NWD1: variants seen among roughly 807,000 people sequenced by gnomAD.
NWD1 encodes NACHT and WD repeat domain containing 1.
NWD1 carries 129 observed loss-of-function variants against 135.1 expected under a neutral mutation model. The observed-to-expected ratio is 0.96, with a 90% CI of 0.83 to 1.11. NWD1 has a LOEUF of 1.11. Among genes scored for constraint, NWD1 ranks in the 50% least tolerant of loss-of-function variants. NWD1 has a pLI of 0.00. For missense variants in NWD1, 1,740 were observed against 1,851.3 expected, an observed-to-expected ratio of 0.94 and a Z score of 1.10; for synonymous variants, 773 against 786.0, an observed-to-expected ratio of 0.98 and a Z score of 0.28.
chr19:16,813,262 A>G (rs1970978975), intron 18 of NWD1, among the ~76,000 whole-genome samples: 1 of 152,126 alleles, frequency 6.6e-6, no homozygotes, highest in Non-Finnish European at 1.5e-5. Flanking sequence ...TTACATCACT[A>G]CATTCCAGCA....
At chr19:16,767,422 C>T (rs1323828644) in intron 10 of NWD1, among the ~76,000 whole-genome samples, 1 of 152,092 alleles carries the variant, frequency 6.6e-6, no homozygotes, top group Non-Finnish European at 1.5e-5. Flanking sequence ...TGAGACCAGC[C>T]TGGCCAACAT....
rs1599452094 is a variant in NWD1 at position 16,744,929 on chromosome 19, C to T, written c.496+211C>T. On this transcript the variant is annotated intron_variant, in intron 5 of 18. Coordinates refer to ENST00000524140, the MANE Select transcript of NWD1 (RefSeq NM_001007525.5). ...GATCAATCTTGGTCTCAGGATCTTC[C>T]TCTCCTCGCTGGCTCTTTCTTCTTG... The T allele has an allele frequency of 5.1e-5, 33 of 651,600 alleles. No homozygotes were observed. The East Asian group carries it at 5.8e-4, about 11-fold the overall frequency. The allele number at this position is 651,600 out of a possible 1,614,324, so 40.4% of individuals were successfully genotyped here. A position where few individuals can be genotyped will look rare whatever the true frequency, so the allele number is the denominator to read the frequency against.
chr19:16,742,480 G>A (rs1457238684), intron 4 of NWD1, among the ~76,000 whole-genome samples: 1 of 152,074 alleles, frequency 6.6e-6, no homozygotes, highest in Non-Finnish European at 1.5e-5. Context: ...TCCGTGGTCA[G>A]CCCTTAAGCC....
chr19:16,790,735 AT>A (rs1414923509), intron 13 of NWD1, among the ~76,000 whole-genome samples: 1 of 152,114 alleles, frequency 6.6e-6, no homozygotes, highest in Non-Finnish European at 1.5e-5. Flanking sequence ...AGTAAAAATA[AT>A]ATAAACCATC....
intron 18 of NWD1, among the ~76,000 whole-genome samples, chr19:16,813,539 C>A (rs1245612633): frequency 2.0e-5 from 3 of 152,002 alleles, no homozygotes; most frequent in Admixed American, 1.3e-4. Context: ...TGCAGTGGTG[C>A]AATCTCAGCT....
Position 16,736,726 on chromosome 19 carries a change from A to G in NWD1, c.174A>G (p.Lys58=), listed in dbSNP as rs1967835178. 6.5e-7 allele frequency: 1 copy of G among 1,535,450 alleles called. No homozygotes were observed. The highest frequency in any genetic ancestry group is 1.2e-5 in the South Asian group (1 of 84,038). The change falls in exon 4 of 19, where the codon AAA becomes AAG. Residue 58 remains lysine, a synonymous_variant. Coordinates refer to ENST00000524140, the MANE Select transcript of NWD1 (RefSeq NM_001007525.5). ...TGGAGGAGGTTGACCGGTGTTGGAA[A>G]ACATCCATAGGGCCAGCTTTTGTTG... is the stretch of plus-strand genomic sequence containing the variant. ...LCLEEVDRCW[K]TSIGPAFVAL...
In NWD1 at chr19:16,737,964, CGAAAAGAAAAGAAAA is replaced by C. The variant is rs60410383; in HGVS notation, c.198+1249_198+1263del. On this transcript the variant is annotated intron_variant, in intron 4 of 18. Coordinates refer to ENST00000524140, the MANE Select transcript of NWD1 (RefSeq NM_001007525.5). Reference sequence around the variant, plus strand: ...TGGGCGACAGAGCAAGACTCTATCTCGAAAAGAAAAGAAAAGAAAAGAAAAGAAAAGAAAAGAAAA... The same window carrying C: ...TGGGCGACAGAGCAAGACTCTATCTCGAAAAGAAAAGAAAAGAAAAGAAAA... Among the ~76,000 whole-genome samples the C allele has an allele frequency of 3.0e-4, 38 of 124,636 alleles. No individual in the cohort carries two copies. In the East Asian group the frequency reaches 3.1e-3, roughly 10 times the overall value. 81.8% of individuals were successfully genotyped at this position (124,636 alleles called of 152,430 possible).
At chr19:16,775,988 G>A (rs368639253) in intron 11 of NWD1, among the ~76,000 whole-genome samples, 2 of 152,226 alleles carry the variant, frequency 1.3e-5, no homozygotes, top group African/African-American at 4.8e-5. Flanking sequence ...GTCTTTGTGC[G>A]GATAACTATG....
chr19:16,748,146 G>A (rs1039097800), intron 5 of NWD1, among the ~76,000 whole-genome samples: 4 of 152,024 alleles, frequency 2.6e-5, no homozygotes, highest in Admixed American at 6.6e-5. Context: ...ATCACGCTGG[G>A]CTAATTTTTG....
At chr19:16,728,110 A>C (rs1209731301) in intron 2 of NWD1, among the ~76,000 whole-genome samples, 1 of 152,128 alleles carries the variant, frequency 6.6e-6, no homozygotes, top group Non-Finnish European at 1.5e-5. Flanking sequence ...AGATAATAGC[A>C]TGCAGCTACA....
intron 17 of NWD1, among the ~76,000 whole-genome samples, chr19:16,803,640 G>A (rs1471392288): frequency 1.3e-5 from 2 of 151,988 alleles, no homozygotes; most frequent in Non-Finnish European, 2.9e-5. Flanking sequence ...GTCATGGCCA[G>A]GTGTGGTGGC....
At chr19:16,738,829 T>TTATATATTATATATA (rs1967957987) in intron 4 of NWD1, among the ~76,000 whole-genome samples, 3 of 125,388 alleles carry the variant, frequency 2.4e-5, no homozygotes, top group African/African-American at 1.0e-4. Flanking sequence ...ATATATAATG[T>TTATATATTATATATA]ATACATTATA....
chr19:16,735,512 CA>C (rs961533890), intron 3 of NWD1, among the ~76,000 whole-genome samples: 115 of 129,992 alleles, frequency 8.8e-4, no homozygotes, highest in Middle Eastern at 4.3e-3. Flanking sequence ...TCCCCCTGAC[CA>C]AAAAAAAAAA....
rs1967833342 is a variant in NWD1, at chr19:16,736,700, T to C, written c.148T>C (p.Leu50=). Residue 50 remains leucine (L), a synonymous_variant, in exon 4 of 19, where the codon TTG becomes CTG. Coordinates refer to ENST00000524140, the MANE Select transcript of NWD1 (RefSeq NM_001007525.5). ...TGACCACTTGACCACAGAACTCTGC[T>C]TGGAGGAGGTTGACCGGTGTTGGAA... ...ATDHLTTELC[L]EEVDRCWKTS... is the part of the protein sequence containing the mutation. The C allele has an allele frequency of 6.5e-7, 1 of 1,536,376 alleles. No homozygotes were observed. The highest frequency in any genetic ancestry group is 8.7e-7 in the Non-Finnish European group (1 of 1,146,902).
chr19:16,744,849 C>T, intron 5 of NWD1, 131 bp downstream of exon 5: 4 of 761,222 alleles, frequency 5.3e-6, no homozygotes, highest in Middle Eastern at 7.1e-4. Flanking sequence ...ACCTCTGGTC[C>T]CTCGGCTCTG....
At chr19:16,786,553 C>T (rs1249894030) in intron 12 of NWD1, among the ~76,000 whole-genome samples, 2 of 146,112 alleles carry the variant, frequency 1.4e-5, no homozygotes, top group Non-Finnish European at 3.0e-5. Context: ...GTTGGGGACA[C>T]TTTTTTTTTT....
Position 16,750,295 on chromosome 19 carries a change from G to T in NWD1, c.1653G>T (p.Val551=). ...CCCGGAAATGGGCCTCTTTCACCGT[G>T]CCTGTCCCGCTGGCCACCACCGCAG... ...EEARKWASFT[V]PVPLATTAEE... The change falls in exon 6 of 19, where the codon GTG becomes GTT. Residue 551 remains valine (V), a synonymous_variant. Transcript: ENST00000524140. The T allele has an allele frequency of 1.9e-6, 3 of 1,613,554 alleles. No individual in the cohort carries two copies. The highest frequency in any genetic ancestry group is 2.5e-6 in the Non-Finnish European group (3 of 1,179,948).
rs1464805489 is a variant in NWD1 at position 16,732,677 on chromosome 19, T to TAAAAAAAAAAAAAAAAAAA, written c.81+1399_81+1400insAAAAAAAAAAAAAAAAAAA. ...CTCAAAAAAAAAAAAAAAGAAAAAG[T>TAAAAAAAAAAAAAAAAAAA]GAAAAAGTGCAGTGGTGTGATCTCA... On this transcript the variant is annotated intron_variant, in intron 3 of 18. Coordinates refer to ENST00000524140, the MANE Select transcript of NWD1 (RefSeq NM_001007525.5). 2.0e-4 allele frequency among the ~76,000 whole-genome samples: 17 copies of TAAAAAAAAAAAAAAAAAAA among 85,140 alleles called. 2 individuals are homozygous for TAAAAAAAAAAAAAAAAAAA. The highest frequency in any genetic ancestry group is 4.3e-4 in the African/African-American group (7 of 16,164). The allele number at this position is 85,140 out of a possible 152,430, so 55.9% of individuals were successfully genotyped here. A position where few individuals can be genotyped will look rare whatever the true frequency, so the allele number is the denominator to read the frequency against.
chr19:16,768,923 C>T (rs1344001814), intron 10 of NWD1, among the ~76,000 whole-genome samples: 6 of 152,192 alleles, frequency 3.9e-5, no homozygotes, highest in Non-Finnish European at 8.8e-5. Context: ...TTCTCCTGGC[C>T]ATCAGCCCAG....
Sources: allele counts gnomAD v4.1 joint callset (sites outside exome capture counted in the v4.1 genomes callset), GRCh38; gene constraint gnomAD v4.1.1; transcripts MANE v1.5; gene names NCBI Gene and HGNC (gene_info 2026-07-23, HGNC 2026-07-21).